The following SBNO1 variants were observed in gnomAD, a reference collection of about 807,000 sequenced individuals.
SBNO1 encodes the protein protein strawberry notch homolog 1.
A neutral mutation model predicts 173.6 loss-of-function variants in SBNO1; 23 were observed. The ratio of observed to expected loss-of-function variants is 0.13; its 90% confidence interval spans 0.10 to 0.19. The LOEUF is 0.19. Among genes scored for constraint, SBNO1 ranks in the 10% least tolerant of loss-of-function variants. SBNO1 has a pLI of 1.00. For missense variants in SBNO1, 1,238 were observed against 1,671.2 expected, an observed-to-expected ratio of 0.74 and a Z score of 4.52; for synonymous variants, 632 against 571.5, an observed-to-expected ratio of 1.11 and a Z score of -1.51.
intron 31 of SBNO1, among the ~76,000 whole-genome samples, chr12:123,296,875 T>A (rs552074271): frequency 6.6e-5 from 10 of 150,862 alleles, no homozygotes; most frequent in African/African-American, 1.2e-4. Context: ...GTTTTTTTTT[T>A]AAATAGAGAC....
At chr12:123,301,662 A>G (rs576191223) in intron 30 of SBNO1, among the ~76,000 whole-genome samples, 12 of 152,286 alleles carry the variant, frequency 7.9e-5, no homozygotes, top group Non-Finnish European at 1.3e-4. Flanking sequence ...CTCAACAACA[A>G]AAGTTTGCAT....
chr12:123,302,836 G>A lies in SBNO1; in HGVS notation c.3833C>T (p.Thr1278Ile), dbSNP rs376539394. 3 of 1,612,686 alleles carry A rather than the reference G, an allele frequency of 1.9e-6. No homozygotes were observed. Among genetic ancestry groups the A allele is most frequent in the African/African-American group, 1.3e-5 (1 of 74,890 alleles). ...DQYNSSADTC[T>I]HAYWRGNCKK... ...CGAAAATACTAACCAATAAGCATGAGTACAAGTATCTGCAGATGAATTATA... is the reference window on the plus strand; with the variant it reads ...CGAAAATACTAACCAATAAGCATGAATACAAGTATCTGCAGATGAATTATA... Residue 1278 changes from threonine (T) to isoleucine (I), a missense_variant, in exon 30 of 32, where the codon ACT becomes ATT. Thr to Ile is a moderately conservative substitution (Grantham distance 89). Coordinates refer to ENST00000602398, the MANE Select transcript of SBNO1 (RefSeq NM_001167856.3).
At chr12:123,330,599 TAAAA>T (rs62719360) in intron 8 of SBNO1, 90 bp from the exon 9 acceptor site, 2,905 of 501,138 alleles carry the variant, frequency 5.8e-3, no homozygotes, top group Non-Finnish European at 6.5e-3. Flanking sequence ...TCTTGACACT[TAAAA>T]AAAAAAAAAA....
At chr12:123,311,720 C>CTATCTATCTATATATA (rs1224940028) in intron 24 of SBNO1, among the ~76,000 whole-genome samples, 12 of 127,446 alleles carry the variant, frequency 9.4e-5, no homozygotes, top group African/African-American at 2.9e-4. Context: ...ATCTATCTAT[C>CTATCTATCTATATATA]TATATATATA....
intron 1 of SBNO1, among the ~76,000 whole-genome samples, chr12:123,355,085 A>T (rs1404846303): frequency 4.0e-5 from 6 of 151,614 alleles, no homozygotes; most frequent in Non-Finnish European, 8.8e-5. Context: ...CAGTGGCGCG[A>T]TCTCAGCTCA....
intron 15 of SBNO1, among the ~76,000 whole-genome samples, chr12:123,324,506 G>A (rs1251639655): frequency 6.6e-6 from 1 of 152,002 alleles, no homozygotes; most frequent in Non-Finnish European, 1.5e-5. Context: ...ATTTTTAGTA[G>A]AGACGAGGTT....
At chr12:123,311,791 A>G (rs1280489321) in intron 24 of SBNO1, among the ~76,000 whole-genome samples, 1 of 149,660 alleles carries the variant, frequency 6.7e-6, no homozygotes, top group Non-Finnish European at 1.5e-5. Flanking sequence ...GCTGGAGTGC[A>G]ATGGCATCAT....
rs141685126 is a variant in SBNO1, at chr12:123,313,693, G to C, written c.3147C>G (p.Val1049=). The C allele has an allele frequency of 3.1e-6, 5 of 1,608,144 alleles. No homozygotes were observed. Among genetic ancestry groups the C allele is most frequent in the Non-Finnish European group, 4.3e-6 (5 of 1,175,378 alleles). The change falls in exon 24 of 32, where the codon GTC becomes GTG. Residue 1049 remains valine, a synonymous_variant. Coordinates refer to ENST00000602398, the MANE Select transcript of SBNO1 (RefSeq NM_001167856.3). ...AATCCAAGTTTACAATGGATTTCAT[G>C]ACAATTTCTAAAGCATTTCTTCCAT... ...NKYGRNALEI[V]MKSIVNLDSP...
intron 1 of SBNO1, among the ~76,000 whole-genome samples, chr12:123,358,588 A>C (rs1349533427): frequency 6.6e-6 from 1 of 151,508 alleles, no homozygotes; most frequent in Non-Finnish European, 1.5e-5. Flanking sequence ...AAAAATACGA[A>C]AAAAATTAGC....
intron 6 of SBNO1, among the ~76,000 whole-genome samples, chr12:123,335,443 C>T (rs999933501): frequency 2.6e-5 from 4 of 152,142 alleles, no homozygotes; most frequent in African/African-American, 9.7e-5. Context: ...GAGCCAGACC[C>T]CGTCTTAAAA....
rs74240780 is a variant in SBNO1 at position 123,305,115 on chromosome 12, T to C, written c.3631-396A>G. Among the ~76,000 whole-genome samples the C allele has an allele frequency of 7.9e-5, 12 of 152,236 alleles. No individual in the cohort carries two copies. The East Asian group carries it at 2.3e-3, about 29-fold the overall frequency. ...ACAGTGGAATCCAGGCAGTAGGCAT[T>C]AGGGGTCTTCAGAGAAAATTCTTTA... On this transcript the variant is annotated intron_variant, in intron 28 of 31. Transcript: ENST00000602398.
chr12:123,303,270 G>C (rs1437727641), intron 29 of SBNO1, among the ~76,000 whole-genome samples: 2 of 152,138 alleles, frequency 1.3e-5, no homozygotes, highest in Non-Finnish European at 2.9e-5. Context: ...AAAACTAAGA[G>C]GTAGTGAGAA....
chr12:123,296,601 G>A (rs1260934359), intron 31 of SBNO1, among the ~76,000 whole-genome samples: 6 of 148,786 alleles, frequency 4.0e-5, no homozygotes, highest in African/African-American at 9.9e-5. Context: ...TTGCTCTGTC[G>A]CCAGGCTGGA....
intron 6 of SBNO1, among the ~76,000 whole-genome samples, chr12:123,334,985 T>G (rs1158976041): frequency 6.6e-6 from 1 of 152,138 alleles, no homozygotes; most frequent in Non-Finnish European, 1.5e-5. Flanking sequence ...GGCCAAGAGT[T>G]CAAGACCAGC....
In SBNO1 at chr12:123,364,775, C is replaced by T. The variant is rs1314054068; in HGVS notation, c.-75G>A. Reference sequence around the variant, plus strand: ...TTTGAAGGACCAGAGGCGACTGGAGCGGAGGCGGCGGTGGCGGCGGCAGCA... The same window carrying T: ...TTTGAAGGACCAGAGGCGACTGGAGTGGAGGCGGCGGTGGCGGCGGCAGCA... On this transcript the variant is annotated 5_prime_UTR_variant, in exon 1 of 32. Transcript: ENST00000602398. 1.7e-5 allele frequency: 17 copies of T among 987,996 alleles called. No individual in the cohort carries two copies. Among genetic ancestry groups the T allele is most frequent in the African/African-American group, 7.0e-5 (4 of 57,098 alleles). 61.2% of individuals were successfully genotyped at this position (987,996 alleles called of 1,614,324 possible).
At chr12:123,354,441 T>G (rs1874203216) in intron 1 of SBNO1, among the ~76,000 whole-genome samples, 1 of 152,184 alleles carries the variant, frequency 6.6e-6, no homozygotes, top group Admixed American at 6.6e-5. Context: ...GGATCATTTC[T>G]CAGCCAAACG....
chr12:123,362,111 G>A (rs1875315229), intron 1 of SBNO1, among the ~76,000 whole-genome samples: 1 of 150,858 alleles, frequency 6.6e-6, no homozygotes, highest in Non-Finnish European at 1.5e-5. Context: ...CCGCACTCCA[G>A]CCTGGGCGAG....
At chr12:123,364,555 GA>G in intron 1 of SBNO1, 145 bp downstream of exon 1, 1 of 983,720 alleles carries the variant, frequency 1.0e-6, no homozygotes, top group Non-Finnish European at 1.2e-6. Flanking sequence ...CGGCCGCGAG[GA>G]GCGGCAAGCG....
intron 1 of SBNO1, among the ~76,000 whole-genome samples, chr12:123,354,777 G>A (rs747325703): frequency 1.3e-5 from 2 of 152,128 alleles, no homozygotes; most frequent in Non-Finnish European, 2.9e-5. Context: ...TGTCTACAAA[G>A]GAATTCATAG....
Sources: allele counts gnomAD v4.1 joint callset (sites outside exome capture counted in the v4.1 genomes callset), GRCh38; gene constraint gnomAD v4.1.1; transcripts MANE v1.5; gene names NCBI Gene and HGNC (gene_info 2026-07-23, HGNC 2026-07-21).